TBX21: variants seen among roughly 807,000 people sequenced by gnomAD.
The protein encoded by TBX21 is T-box transcription factor TBX21.
TBX21 carries 11 observed loss-of-function variants against 52.2 expected under a neutral mutation model. That is an observed-to-expected ratio of 0.21 (90% CI 0.13 to 0.35). The LOEUF is 0.35. Among genes scored for constraint, TBX21 ranks in the 10% least tolerant of loss-of-function variants. The pLI is 1.00. For synonymous variants in TBX21, 300 were observed against 316.1 expected (o/e 0.95, Z 0.54); for missense variants, 625 against 755.1 (o/e 0.83, Z 2.02).
rs568569146 is a variant in TBX21, at chr17:47,742,969, C to A, written c.647-102C>A. ...CCTCTGCCCTTCCCTGCCTGGTCCT[C>A]CCCCTGTGTCCTTCCTTACGTCCCT... On this transcript the variant is annotated intron_variant, in intron 2 of 5. Coordinates refer to ENST00000177694, the MANE Select transcript of TBX21 (RefSeq NM_013351.2). This position sits in a 1 kb window ranked among gnomAD's most constrained non-coding sequence, Gnocchi z 4.4. 3.9e-6 allele frequency: 6 copies of A among 1,549,398 alleles called. No homozygotes were observed. The East Asian group carries it at 6.7e-5, about 17-fold the overall frequency.
In TBX21 at chr17:47,733,994, A is replaced by T; in HGVS notation, c.491+49A>T. On this transcript the variant is annotated intron_variant, in intron 1 of 5. Transcript: ENST00000177694. The surrounding 1 kb of genome is among the most constrained non-coding windows in gnomAD (Gnocchi z 6.6). ...GGGGCCTCTGTGCCCGCGCCGGAAC[A>T]AGAACGTCTCGTCTGTTTTTCTGGC... 1.9e-6 allele frequency: 3 copies of T among 1,610,814 alleles called. No individual in the cohort carries two copies. Among genetic ancestry groups the T allele is most frequent in the Non-Finnish European group, 2.5e-6 (3 of 1,178,644 alleles).
intron 3 of TBX21, 91 bp from the exon 4 acceptor site, chr17:47,744,104 T>C: frequency 2.0e-6 from 3 of 1,525,068 alleles, no homozygotes; most frequent in Non-Finnish European, 1.8e-6. Context: ...AGGTGCTTGC[T>C]AGCCTCACGT....
chr17:47,736,659 C>T (rs2032210000), intron 1 of TBX21, among the ~76,000 whole-genome samples: 1 of 152,170 alleles, frequency 6.6e-6, no homozygotes, highest in African/African-American at 2.4e-5. Context: ...TTCAGTCCCA[C>T]TAGCCCCAGG....
At chr17:47,738,606 T>C (rs1339039400) in intron 1 of TBX21, among the ~76,000 whole-genome samples, 2 of 141,882 alleles carry the variant, frequency 1.4e-5, no homozygotes, top group African/African-American at 5.3e-5. Context: ...ATTATCACAT[T>C]TTTTTTTTTT....
chr17:47,736,721 C>T (rs1013877281), intron 1 of TBX21, among the ~76,000 whole-genome samples: 1 of 152,098 alleles, frequency 6.6e-6, no homozygotes, highest in Non-Finnish European at 1.5e-5. Flanking sequence ...AAATCAGTGG[C>T]CATTTCCTCT....
intron 3 of TBX21, 34 bp from the exon 4 acceptor site, chr17:47,744,161 C>A: frequency 6.2e-7 from 1 of 1,605,212 alleles, no homozygotes; most frequent in South Asian, 1.1e-5. Flanking sequence ...AATCCTTCCT[C>A]CCCACCCCTA....
At chr17:47,734,474 C>CG (rs1249960562) in intron 1 of TBX21, among the ~76,000 whole-genome samples, 1 of 149,296 alleles carries the variant, frequency 6.7e-6, no homozygotes, top group Non-Finnish European at 1.5e-5. Context: ...TGTGTGTGTA[C>CG]GGGGGGAGAT....
Position 47,733,355 on chromosome 17 carries a change from C to T in TBX21, c.-100C>T, listed in dbSNP as rs1304107853. ...GGGGTCCCCCACCCGGCCCTCGGGT[C>T]CCCCGCCCCCTGCTCCCTGCCCATC... is the stretch of plus-strand genomic sequence containing the variant. On this transcript the variant is annotated 5_prime_UTR_variant, in exon 1 of 6. Transcript: ENST00000177694. The surrounding 1 kb of genome is among the most constrained non-coding windows in gnomAD (Gnocchi z 6.6). 30 of 1,337,344 alleles carry T rather than the reference C, an allele frequency of 2.2e-5. No homozygotes were observed. The highest frequency in any genetic ancestry group is 5.3e-5 in the South Asian group (3 of 56,114). 82.8% of individuals were successfully genotyped at this position (1,337,344 alleles called of 1,614,324 possible).
Position 47,733,750 on chromosome 17 carries a change from C to CCGAGGGCTACCAGCCGGG in TBX21, c.307_324dup (p.Gln103_Tyr108dup). 1 of 1,461,820 alleles carries CCGAGGGCTACCAGCCGGG rather than the reference C, an allele frequency of 6.8e-7. No individual in the cohort carries two copies. 90.6% of individuals were successfully genotyped at this position (1,461,820 alleles called of 1,614,324 possible). A position where few individuals can be genotyped will look rare whatever the true frequency, so the allele number is the denominator to read the frequency against. On this transcript the variant is annotated inframe_insertion, in exon 1 of 6. Transcript: ENST00000177694. This position sits in a 1 kb window ranked among gnomAD's most constrained non-coding sequence, Gnocchi z 6.6. ...GAGTCCTTCCCGCCGCCCGCGGACG[C>CCGAGGGCTACCAGCCGGG]CGAGGGCTACCAGCCGGGCGAGGGC... is the stretch of plus-strand genomic sequence containing the variant.
At chr17:47,738,157 T>A (rs1367263671) in intron 1 of TBX21, among the ~76,000 whole-genome samples, 1 of 152,066 alleles carries the variant, frequency 6.6e-6, no homozygotes, top group Non-Finnish European at 1.5e-5. Flanking sequence ...ACAACTTTAA[T>A]TAAAAATTTT....
intron 1 of TBX21, among the ~76,000 whole-genome samples, chr17:47,734,605 G>GTA (rs1164259347): frequency 3.1e-3 from 327 of 107,092 alleles, no homozygotes; most frequent in African/African-American, 0.012. Flanking sequence ...GTGTGTGTGT[G>GTA]TGTGTATGTG....
rs539184978 is a variant in TBX21, at chr17:47,744,810, G to C, written c.1052G>C (p.Gly351Ala). The part of the protein sequence containing the change: ...SPPGPNCQFL[G>A]GDHYSPLLPN... ...CCTGGACCCAACTGTCAATTCCTTG[G>C]GGGAGATCACTACTCTCCTCTCCTA... The change falls in exon 6 of 6, where the codon GGG (glycine) becomes GCG (alanine). Residue 351 changes from glycine to alanine, a missense_variant. By Grantham distance (60) the Gly-to-Ala change is moderately conservative. Transcript: ENST00000177694. 115 of 1,614,134 alleles carry C rather than the reference G, an allele frequency of 7.1e-5. No homozygotes were observed. In the East Asian group the frequency reaches 2.5e-3, roughly 36 times the overall value.
In TBX21 at chr17:47,742,773, G is replaced by A. The variant is rs201883330; in HGVS notation, c.646+9G>A. Reference sequence around the variant, plus strand: ...CGAGGGCAGCATGCCAGGTGCGCGCGCCCCTGGGAGCGGTGGGCTCTGTTT... The same window carrying A: ...CGAGGGCAGCATGCCAGGTGCGCGCACCCCTGGGAGCGGTGGGCTCTGTTT... On this transcript the variant is annotated intron_variant, in intron 2 of 5. Coordinates refer to ENST00000177694, the MANE Select transcript of TBX21 (RefSeq NM_013351.2). The surrounding 1 kb of genome is among the most constrained non-coding windows in gnomAD (Gnocchi z 4.4). 8 of 1,555,488 alleles carry A rather than the reference G, an allele frequency of 5.1e-6. No individual in the cohort carries two copies. The Admixed American group carries it at 7.8e-5, about 15-fold the overall frequency.
In TBX21 at chr17:47,744,504, A is replaced by G. The variant is rs1265097944; in HGVS notation, c.950A>G (p.Asn317Ser). 6.2e-7 allele frequency: 1 copy of G among 1,613,972 alleles called. No individual in the cohort carries two copies. The highest frequency in any genetic ancestry group is 8.5e-7 in the Non-Finnish European group (1 of 1,180,024). ...NAEITQLKID[N>S]NPFAKGFREN... ...TAGATTACTCAGCTGAAAATTGATA[A>G]TAACCCCTTTGCCAAAGGATTCCGG... Residue 317 changes from asparagine to serine, a missense_variant, in exon 5 of 6, where the codon AAT becomes AGT. By Grantham distance (46) the Asn-to-Ser change is conservative. Around this residue, in one of 4 missense-constraint regions of TBX21, gnomAD observed 1 missense variants for 16.6 expected, o/e 0.06. Coordinates refer to ENST00000177694, the MANE Select transcript of TBX21 (RefSeq NM_013351.2).
Position 47,744,928 on chromosome 17 carries a change from C to G in TBX21, c.1170C>G (p.Pro390=). The change falls in exon 6 of 6, where the codon CCC becomes CCG. Residue 390 remains proline, a synonymous_variant. Transcript: ENST00000177694. ...VVPQAYWLGA[P]RDHSYEAEFR... is the part of the protein sequence containing the mutation. ...CCCAGGCTTACTGGCTGGGGGCCCC[C>G]CGGGACCACAGCTATGAGGCTGAGT... The G allele has an allele frequency of 3.1e-6, 5 of 1,614,070 alleles. No individual in the cohort carries two copies. The highest frequency in any genetic ancestry group is 1.3e-5 in the African/African-American group (1 of 75,010).
Position 47,743,148 on chromosome 17 carries a change from C to G in TBX21, c.724C>G (p.Leu242Val). The change falls in exon 3 of 6, where the codon CTA becomes GTA. Residue 242 changes from leucine to valine, a missense_variant. Transcript: ENST00000177694. The part of the protein sequence containing the change: ...WMRQEVSFGK[L>V]KLTNNKGASN... ...GCGCCAGGAAGTTTCATTTGGGAAA[C>G]TAAAGCTCACAAACAACAAGGGGGC... is the stretch of plus-strand genomic sequence containing the variant. 6.2e-7 allele frequency: 1 copy of G among 1,614,214 alleles called. No homozygotes were observed. Among genetic ancestry groups the G allele is most frequent in the Non-Finnish European group, 8.5e-7 (1 of 1,180,038 alleles).
In TBX21 at chr17:47,742,830, C is replaced by T. The variant is rs2032282387; in HGVS notation, c.646+66C>T. 7 of 1,505,518 alleles carry T rather than the reference C, an allele frequency of 4.6e-6. No homozygotes were observed. Among genetic ancestry groups the T allele is most frequent in the Admixed American group, 4.3e-5 (2 of 47,058 alleles). 93.3% of individuals were successfully genotyped at this position (1,505,518 alleles called of 1,614,324 possible). ...GACTGGGCGCCCCCTGGTGGGCCCA[C>T]CAAGCCCCTACCCCTAATTCCTAGA... On this transcript the variant is annotated intron_variant, in intron 2 of 5. Transcript: ENST00000177694. The surrounding 1 kb of genome is among the most constrained non-coding windows in gnomAD (Gnocchi z 4.4).
At position 47,742,556 on chromosome 17, in the gene TBX21, C is replaced by T. The variant is rs1219454887; in HGVS notation, c.492-54C>T. 5 of 1,526,462 alleles carry T rather than the reference C, an allele frequency of 3.3e-6. No individual in the cohort carries two copies. The highest frequency in any genetic ancestry group is 4.4e-6 in the Non-Finnish European group (5 of 1,132,314). The allele number at this position is 1,526,462 out of a possible 1,614,324, so 94.6% of individuals were successfully genotyped here. On this transcript the variant is annotated intron_variant, in intron 1 of 5. Transcript: ENST00000177694. The surrounding 1 kb of genome is among the most constrained non-coding windows in gnomAD (Gnocchi z 4.4). ...TGCCTGGGCACTGTTGCAGGGGGGACTGGCTGTCAAGCTGGAGCTGATGGG... is the reference window on the plus strand; with the variant it reads ...TGCCTGGGCACTGTTGCAGGGGGGATTGGCTGTCAAGCTGGAGCTGATGGG...
chr17:47,743,230 C>A (rs1253732398), intron 3 of TBX21, 38 bp downstream of exon 3: 1 of 1,609,554 alleles, frequency 6.2e-7, no homozygotes, highest in Non-Finnish European at 8.5e-7. Context: ...TCGCCCTGCT[C>A]CCCACCCTGG....
Sources: allele counts gnomAD v4.1 joint callset (sites outside exome capture counted in the v4.1 genomes callset), GRCh38; gene constraint gnomAD v4.1.1; regional missense constraint gnomAD v4.1.1; non-coding constraint Gnocchi (gnomAD v3.1); transcripts MANE v1.5; gene names NCBI Gene and HGNC (gene_info 2026-07-23, HGNC 2026-07-21).